Variants in GTPBP8 observed in about 807,000 individuals in gnomAD.
GTPBP8 encodes the protein GTP-binding protein 8.
A neutral mutation model predicts 27.3 loss-of-function variants in GTPBP8; 21 were observed. The ratio of observed to expected loss-of-function variants is 0.77; its 90% confidence interval spans 0.55 to 1.11. The LOEUF (loss-of-function observed/expected upper bound fraction) is 1.11, where lower values mean the gene tolerates loss of function less well. GTPBP8 is among the 50% of genes least tolerant of loss of function. The probability of loss-of-function intolerance (pLI) is 0.00; values close to 1 mark genes in which losing one functional copy is unlikely to be tolerated. For synonymous variants in GTPBP8, 147 were observed against 135.3 expected, an observed-to-expected ratio of 1.09 and a Z score of -0.60; for missense variants, 380 against 350.8, an observed-to-expected ratio of 1.08 and a Z score of -0.67.
At chr3:112,992,082 A>G (rs1310208538) in intron 1 of GTPBP8, 1 of 152,332 alleles carries the variant, frequency 6.6e-6, no homozygotes, top group African/African-American at 2.4e-5. Context: ...GGATTCAAAG[A>G]GTACCTCAAT....
In GTPBP8 at chr3:113,000,943, T is replaced by TAAA; in HGVS notation, c.*24_*25insAAA. 9.0e-7 allele frequency: 1 copy of TAAA among 1,106,764 alleles called. No homozygotes were observed. The highest frequency in any genetic ancestry group is 1.3e-6 in the Non-Finnish European group (1 of 776,530). 68.6% of individuals were successfully genotyped at this position (1,106,764 alleles called of 1,614,324 possible). On this transcript the variant is annotated 3_prime_UTR_variant, in exon 6 of 6. Coordinates refer to ENST00000383678, the MANE Select transcript of GTPBP8 (RefSeq NM_014170.4). ...AATGGTTCCCGGTTTAGCTGAAGAT[T>TAAA]CAAAAAAAAAAAAAAAAGCTTTATG... is the stretch of plus-strand genomic sequence containing the variant.
Position 112,991,864 on chromosome 3 carries a change from A to T in GTPBP8, c.336+529A>T. On this transcript the variant is annotated intron_variant, in intron 1 of 5. Coordinates refer to ENST00000383678, the MANE Select transcript of GTPBP8 (RefSeq NM_014170.4). ...CTAAATTTCCTATCGTGCAAAAATA[A>T]TAATCTCTAGATGGCAATAATGTGG... 3 of 255,346 alleles carry T rather than the reference A, an allele frequency of 1.2e-5. No homozygotes were observed. In the South Asian group the frequency reaches 1.2e-4, roughly 10 times the overall value. The allele number at this position is 255,346 out of a possible 1,614,324, so 15.8% of individuals were successfully genotyped here.
chr3:112,991,554 C>T (rs1372476815), intron 1 of GTPBP8: 2 of 695,864 alleles, frequency 2.9e-6, no homozygotes, highest in Admixed American at 2.0e-5. Context: ...ACCCATAAAC[C>T]CATGGTAAAG....
At chr3:112,999,812 C>G (rs546443577) in intron 5 of GTPBP8, among the ~76,000 whole-genome samples, 2 of 152,108 alleles carry the variant, frequency 1.3e-5, no homozygotes, top group Non-Finnish European at 2.9e-5. Context: ...TTATATCATT[C>G]TTATGCATTT....
Position 112,999,427 on chromosome 3 carries a change from A to G in GTPBP8, c.667-19A>G. On this transcript the variant is annotated intron_variant, in intron 4 of 5. Transcript: ENST00000383678. ...AGAACCACTTTATTTCTAATGCATA[A>G]AAATTTGTTTTCTTATAGATTGTAT... 1 of 909,862 alleles carries G rather than the reference A, an allele frequency of 1.1e-6. No homozygotes were observed. The highest frequency in any genetic ancestry group is 1.7e-6 in the Non-Finnish European group (1 of 584,226). 56.4% of individuals were successfully genotyped at this position (909,862 alleles called of 1,614,324 possible).
chr3:112,992,210 T>C (rs2107365152), intron 1 of GTPBP8: 1 of 152,422 alleles, frequency 6.6e-6, no homozygotes, highest in African/African-American at 2.4e-5. Flanking sequence ...AGATTTGCTC[T>C]GGCAGAGCAT....
rs759296716 is a variant in GTPBP8 at position 112,991,205 on chromosome 3, G to A, written c.206G>A (p.Arg69His). The A allele has an allele frequency of 6.2e-6, 10 of 1,614,054 alleles. No homozygotes were observed. Among genetic ancestry groups the A allele is most frequent in the African/African-American group, 4.0e-5 (3 of 74,938 alleles). ...TACGGGAGGCAAGACCTTCACCTGC[G>A]TATCTTTGACCCAAGCCCGGAGGAC... Reference protein sequence around the residue: ...APYGRQDLHLRIFDPSPEDIA... With the variant: ...APYGRQDLHLHIFDPSPEDIA... The change falls in exon 1 of 6, where the codon CGT becomes CAT. Residue 69 changes from arginine to histidine, a missense_variant. Transcript: ENST00000383678.
intron 5 of GTPBP8, 144 bp from the exon 6 acceptor site, chr3:113,000,706 G>A (rs1933882504): frequency 2.0e-6 from 1 of 509,250 alleles, no homozygotes; most frequent in South Asian, 3.0e-5. Context: ...CGCGGCTGGG[G>A]GAAGAGAAGA....
chr3:112,991,391 TC>T, intron 1 of GTPBP8, 56 bp downstream of exon 1: 1 of 1,495,430 alleles, frequency 6.7e-7, no homozygotes, highest in Non-Finnish European at 9.3e-7. Context: ...GCTAACCGCT[TC>T]CCTGGCCGTC....
At chr3:112,991,357 T>A (rs769959236) in intron 1 of GTPBP8, 22 bp downstream of exon 1, 73 of 1,605,832 alleles carry the variant, frequency 4.5e-5, no homozygotes, top group Non-Finnish European at 5.4e-5. Flanking sequence ...TTCTCACGGT[T>A]CACCTGCGCG....
In GTPBP8 at chr3:112,991,223, C is replaced by T; in HGVS notation, c.224C>T (p.Pro75Leu). Residue 75 changes from proline to leucine, a missense_variant, in exon 1 of 6, where the codon CCG becomes CTG. Transcript: ENST00000383678. ...CACCTGCGTATCTTTGACCCAAGCC[C>T]GGAGGACATAGCCAGGGCGGACAAC... ...DLHLRIFDPS[P>L]EDIARADNIF... The T allele has an allele frequency of 1.2e-6, 2 of 1,614,144 alleles. No homozygotes were observed. The highest frequency in any genetic ancestry group is 1.7e-6 in the Non-Finnish European group (2 of 1,180,020).
rs776517209 is a variant in GTPBP8, at chr3:112,991,038, CTT to C, written c.41_42del (p.Phe14Ter). The C allele has an allele frequency of 1.1e-5, 17 of 1,607,034 alleles. No individual in the cohort carries two copies. Among genetic ancestry groups the C allele is most frequent in the Admixed American group, 1.7e-5 (1 of 59,694 alleles). On this transcript the variant is annotated frameshift_variant, in exon 1 of 6. Transcript: ENST00000383678. LOFTEE classifies it high-confidence loss of function. Reference protein sequence around the residue: ...PGLRLGAGRLFEMPAVLERLS... With the variant: ...PGLRLGAGRLXEMPAVLERLS... ...GGCTGCGGCTGGGAGCGGGAAGACT[CTT>C]TGAAATGCCTGCGGTGCTAGAGCGA...
At chr3:112,994,279 C>T in intron 2 of GTPBP8, among the ~76,000 whole-genome samples, 1 of 152,010 alleles carries the variant, frequency 6.6e-6, no homozygotes, top group Non-Finnish European at 1.5e-5. Context: ...CAAAATTAGC[C>T]AGGCGCGGTG....
rs1933656291 is a variant in GTPBP8, at chr3:112,991,015, C to A, written c.16C>A (p.Leu6Met). The change falls in exon 1 of 6, where the codon CTG (leucine) becomes ATG (methionine). Residue 6 changes from leucine (L) to methionine (M), a missense_variant. Coordinates refer to ENST00000383678, the MANE Select transcript of GTPBP8 (RefSeq NM_014170.4). ...GGAAGGGAGAATGGCGGCGCCCGGG[C>A]TGCGGCTGGGAGCGGGAAGACTCTT... MAAPG[L>M]RLGAGRLFEM... 4 of 1,595,026 alleles carry A rather than the reference C, an allele frequency of 2.5e-6. No individual in the cohort carries two copies. The South Asian group carries it at 4.4e-5, about 18-fold the overall frequency.
intron 5 of GTPBP8, among the ~76,000 whole-genome samples, 169 bp from the exon 6 acceptor site, chr3:113,000,681 T>G (rs773871090): frequency 3.9e-5 from 6 of 152,216 alleles, no homozygotes; most frequent in Non-Finnish European, 8.8e-5. Context: ...CATCAGATTT[T>G]AGAATACTAC....
intron 4 of GTPBP8, among the ~76,000 whole-genome samples, chr3:112,998,960 C>G (rs1432736065): frequency 6.6e-6 from 1 of 152,134 alleles, no homozygotes; most frequent in Non-Finnish European, 1.5e-5. Context: ...TGTCTCTGGA[C>G]AAGTAGAATT....
chr3:113,000,091 C>T (rs1933863164), intron 5 of GTPBP8, among the ~76,000 whole-genome samples: 1 of 152,092 alleles, frequency 6.6e-6, no homozygotes, highest in Non-Finnish European at 1.5e-5. Flanking sequence ...TCACTTAAAA[C>T]TAGAGACATT....
At chr3:112,991,907 C>T (rs1933689130) in intron 1 of GTPBP8, 1 of 241,628 alleles carries the variant, frequency 4.1e-6, no homozygotes, top group East Asian at 1.2e-4. Context: ...TTTATAACAA[C>T]GTTTATTAGT....
intron 3 of GTPBP8, among the ~76,000 whole-genome samples, chr3:112,995,684 A>G (rs942600656): frequency 5.3e-5 from 8 of 151,952 alleles, no homozygotes. Context: ...CTACAGGTGC[A>G]CGCCACCATG....
Sources: gnomAD v4.1 joint callset for allele counts (sites outside exome capture counted in the v4.1 genomes callset) on GRCh38, gnomAD v4.1.1 for gene constraint, MANE v1.5 for transcripts, NCBI Gene and HGNC (gene_info 2026-07-23, HGNC 2026-07-21) for gene names.